The following ANK3 variants were observed in gnomAD, a reference collection of about 807,000 sequenced individuals.
ANK3 encodes the protein ankyrin-3.
A neutral mutation model predicts 370.9 loss-of-function variants in ANK3; 57 were observed. That is an observed-to-expected ratio of 0.15 (90% CI 0.12 to 0.19). ANK3 has a LOEUF of 0.19. Among genes scored for constraint, ANK3 ranks in the 10% least tolerant of loss-of-function variants. ANK3 has a pLI of 1.00. For synonymous variants in ANK3, 1,929 were observed against 1,946.3 expected (o/e 0.99, Z 0.23); for missense variants, 4,439 against 5,302.1 (o/e 0.84, Z 5.06).
In ANK3 at chr10:60,084,731, A is replaced by T; in HGVS notation, c.3945T>A (p.Val1315=). The T allele has an allele frequency of 1.2e-6, 2 of 1,613,778 alleles. No individual in the cohort carries two copies. Among genetic ancestry groups the T allele is most frequent in the Non-Finnish European group, 8.5e-7 (1 of 1,179,874 alleles). The change falls in exon 32 of 44, where the codon GTT becomes GTA. Residue 1315 remains valine (V), a synonymous_variant. Coordinates refer to ENST00000280772, the MANE Select transcript of ANK3 (RefSeq NM_020987.5). ...LICVPYMAKF[V]VFAKMNDPVE... is the part of the protein sequence containing the mutation. ...CGGGATCATTCATTTTGGCAAAAAC[A>T]ACAAACTTGGCCATATATGGAACAC...
chr10:60,592,512 C>A (rs2077930224), intron 2 of ANK3, among the ~76,000 whole-genome samples: 1 of 152,196 alleles, frequency 6.6e-6, no homozygotes, highest in Non-Finnish European at 1.5e-5. Flanking sequence ...GTAATCCCAG[C>A]TCTTTGGGAG....
In ANK3 at chr10:60,706,711, G is replaced by A. The variant is rs2079624515; in HGVS notation, c.57+26552C>T. Among the ~76,000 whole-genome samples, 3 of 152,072 alleles carry A rather than the reference G, an allele frequency of 2.0e-5. No homozygotes were observed. The South Asian group carries it at 6.3e-4, about 32-fold the overall frequency. ...TGTAATAAAGCTTTACATGTTATGAGTAGTAAGATTATCTTTTCCTATGGC... is the reference window on the plus strand; with the variant it reads ...TGTAATAAAGCTTTACATGTTATGAATAGTAAGATTATCTTTTCCTATGGC... On this transcript the variant is annotated intron_variant, in intron 1 of 43. Transcript: ENST00000373827.
chr10:60,415,492 C>T (rs2063643143), intron 2 of ANK3, among the ~76,000 whole-genome samples: 1 of 152,132 alleles, frequency 6.6e-6, no homozygotes, highest in African/African-American at 2.4e-5. Context: ...CCAGAGTTAG[C>T]CACCTGTGGG....
Position 60,429,128 on chromosome 10 carries a change from G to A in ANK3, c.97-149489C>T, listed in dbSNP as rs185872716. On this transcript the variant is annotated intron_variant, in intron 2 of 43. Coordinates refer to the ANK3 transcript ENST00000373827. ...TTTTATGACAGGCAAAAACCCAAGG[G>A]AATTCCAGAGCCTGCTGATATGAAA... Among the ~76,000 whole-genome samples, 43 of 152,234 alleles carry A rather than the reference G, an allele frequency of 2.8e-4. 1 individual carries two copies. The East Asian group carries it at 5.6e-3, about 20-fold the overall frequency.
At chr10:60,430,708 G>A (rs948379401) in intron 2 of ANK3, among the ~76,000 whole-genome samples, 20 of 152,066 alleles carry the variant, frequency 1.3e-4, no homozygotes, top group Non-Finnish European at 2.6e-4. Context: ...TGTGGGTAAT[G>A]AGAGAAAAAT....
At chr10:60,481,494 G>T (rs978343682) in intron 2 of ANK3, among the ~76,000 whole-genome samples, 15 of 151,974 alleles carry the variant, frequency 9.9e-5, no homozygotes, top group African/African-American at 3.4e-4. Context: ...ATAGAGTTTT[G>T]CTCTGTTGCC....
At chr10:60,225,517 C>T (rs1042018680) in intron 8 of ANK3, among the ~76,000 whole-genome samples, 1 of 152,048 alleles carries the variant, frequency 6.6e-6, no homozygotes, top group Non-Finnish European at 1.5e-5. Flanking sequence ...GGATTGCCTC[C>T]CTTGGAAGGA....
intron 36 of ANK3, among the ~76,000 whole-genome samples, chr10:60,078,750 C>G (rs766791631): frequency 5.3e-5 from 8 of 152,172 alleles, no homozygotes; most frequent in Admixed American, 2.6e-4. Context: ...GTGGCATTCA[C>G]TTGGAGTTCC....
chr10:60,492,067 T>C (rs2075521973), intron 2 of ANK3, among the ~76,000 whole-genome samples: 1 of 152,198 alleles, frequency 6.6e-6, no homozygotes, highest in Non-Finnish European at 1.5e-5. Flanking sequence ...TGTGTTATTA[T>C]CTTCTTACAC....
chr10:60,697,833 C>A (rs2079484486), intron 1 of ANK3, among the ~76,000 whole-genome samples: 2 of 151,928 alleles, frequency 1.3e-5, no homozygotes, highest in African/African-American at 4.8e-5. Context: ...CCATTCAGGA[C>A]ATAGGCATGG....
At chr10:60,648,052 G>C (rs1481153606) in intron 1 of ANK3, among the ~76,000 whole-genome samples, 1 of 150,320 alleles carries the variant, frequency 6.7e-6, no homozygotes, top group Non-Finnish European at 1.5e-5. Flanking sequence ...TTCACATGTT[G>C]GCCAGGATGG....
rs190335661 is a variant in ANK3, at chr10:60,429,149, T to A, written c.97-149510A>T. 2.3e-3 allele frequency among the ~76,000 whole-genome samples: 347 copies of A among 152,300 alleles called. 2 individuals are homozygous for A. Among genetic ancestry groups the A allele is most frequent in the African/African-American group, 7.9e-3 (329 of 41,576 alleles). On this transcript the variant is annotated intron_variant, in intron 2 of 43. Coordinates refer to the ANK3 transcript ENST00000373827. The stretch of plus-strand genomic sequence containing the variant: ...AAGGGAATTCCAGAGCCTGCTGATA[T>A]GAAAGTCACATGGTTTTGAAGTTAT...
At chr10:60,326,788 G>A (rs1264539339) in intron 1 of ANK3, among the ~76,000 whole-genome samples, 1 of 152,104 alleles carries the variant, frequency 6.6e-6, no homozygotes, top group Non-Finnish European at 1.5e-5. Context: ...TCAGGAGGCC[G>A]AGGCGGGCGG....
intron 7 of ANK3, among the ~76,000 whole-genome samples, chr10:60,244,243 G>A (rs1053642318): frequency 2.0e-5 from 3 of 152,084 alleles, no homozygotes; most frequent in Admixed American, 6.5e-5. Context: ...ATTTAAATAC[G>A]AAAAGGATGT....
intron 1 of ANK3, among the ~76,000 whole-genome samples, chr10:60,285,284 G>C (rs1390146147): frequency 6.6e-6 from 1 of 152,150 alleles, no homozygotes; most frequent in African/African-American, 2.4e-5. Flanking sequence ...TTAAATAGAT[G>C]TTTATGAGTT....
At chr10:60,101,836 GA>G (rs1399912871) in intron 28 of ANK3, among the ~76,000 whole-genome samples, 1 of 152,092 alleles carries the variant, frequency 6.6e-6, no homozygotes, top group Non-Finnish European at 1.5e-5. Flanking sequence ...GTCATACAAA[GA>G]AACTAAGAGG....
At chr10:60,558,801 A>C (rs2077267158) in intron 2 of ANK3, among the ~76,000 whole-genome samples, 1 of 152,178 alleles carries the variant, frequency 6.6e-6, no homozygotes, top group African/African-American at 2.4e-5. Context: ...TAAATATATA[A>C]TTTTCTAAAG....
intron 2 of ANK3, among the ~76,000 whole-genome samples, chr10:60,413,272 T>C (rs1398235862): frequency 6.6e-6 from 1 of 152,256 alleles, no homozygotes; most frequent in Non-Finnish European, 1.5e-5. Flanking sequence ...GCACATAGTA[T>C]ACAAGTGAAG....
At chr10:60,101,211 T>G (rs986234302) in intron 28 of ANK3, among the ~76,000 whole-genome samples, 1 of 152,230 alleles carries the variant, frequency 6.6e-6, no homozygotes, top group Non-Finnish European at 1.5e-5. Flanking sequence ...CCATTTGTAC[T>G]AATTTTATTT....
Sources: gnomAD v4.1 joint callset for allele counts (sites outside exome capture counted in the v4.1 genomes callset) on GRCh38, gnomAD v4.1.1 for gene constraint, MANE v1.5 for transcripts, NCBI Gene and HGNC (gene_info 2026-07-23, HGNC 2026-07-21) for gene names.